Variants in POLN observed in about 807,000 individuals in gnomAD.
POLN encodes the protein DNA polymerase N.
POLN carries 108 observed loss-of-function variants against 113.5 expected under a neutral mutation model. The observed-to-expected ratio is 0.95, with a 90% confidence interval of 0.81 to 1.12. POLN has a LOEUF of 1.12. POLN is among the 50% of genes most tolerant of loss of function. The pLI, the probability that POLN is intolerant of heterozygous loss-of-function variation, is 0.00. For synonymous variants in POLN, 386 were observed against 391.5 expected (o/e 0.99, Z 0.17); for missense variants, 1,097 against 1,077.1 (o/e 1.02, Z -0.26).
chr4:2,234,136 G>A (rs539215587), intron 2 of POLN: 1 of 152,288 alleles, frequency 6.6e-6, no homozygotes, highest in East Asian at 1.9e-4. Context: ...AATCAAGACA[G>A]TATAGTTAAC....
At chr4:2,088,689 G>C in intron 20 of POLN, 1 of 876,814 alleles carries the variant, frequency 1.1e-6, no homozygotes, top group Non-Finnish European at 1.6e-6. Context: ...CTGTACAACA[G>C]CCATCAAGTT....
chr4:2,128,111 AC>A lies in POLN; in HGVS notation c.1982+1del. ...ATAATATTGTGAGTTCATATATCTT[AC>A]CACTGTGAAGTCAGAGTAGAAAATA... On this transcript the variant is annotated splice_donor_variant, in intron 19 of 25. Transcript: ENST00000511885. LOFTEE classifies it high-confidence loss of function. The A allele has an allele frequency of 6.4e-7, 1 of 1,556,138 alleles. No individual in the cohort carries two copies. The highest frequency in any genetic ancestry group is 8.9e-7 in the Non-Finnish European group (1 of 1,127,822).
At chr4:2,180,218 T>C (rs1733101110) in intron 7 of POLN, among the ~76,000 whole-genome samples, 1 of 152,172 alleles carries the variant, frequency 6.6e-6, no homozygotes, top group African/African-American at 2.4e-5. Flanking sequence ...AGAAAATGCT[T>C]TTTAAAAAGT....
Position 2,158,027 on chromosome 4 carries a change from C to A in POLN, c.1612-116G>T, listed in dbSNP as rs568405611. On this transcript the variant is annotated intron_variant, in intron 14 of 25. Transcript: ENST00000511885. ...AGTGCAGTGGCGTGATCTCGGCTTG[C>A]CGCAACTTCTGCCTCCTGGGGTCAA... The A allele has an allele frequency of 5.5e-5, 35 of 632,034 alleles. No homozygotes were observed. The East Asian group carries it at 8.6e-4, about 15-fold the overall frequency. The allele number at this position is 632,034 out of a possible 1,614,324, so 39.2% of individuals were successfully genotyped here.
chr4:2,072,048 G>T lies in POLN; in HGVS notation c.*66C>A. The T allele has an allele frequency of 1.3e-6, 2 of 1,559,444 alleles. No individual in the cohort carries two copies. The highest frequency in any genetic ancestry group is 1.1e-5 in the South Asian group (1 of 89,756). On this transcript the variant is annotated 3_prime_UTR_variant, in exon 26 of 26. Coordinates refer to ENST00000511885, the MANE Select transcript of POLN (RefSeq NM_181808.4). ...GCGTCCTGGGGCGTACAGAGCTGGTGACCTTGGGGAAGGCCACACAATGGA... is the reference window on the plus strand; with the variant it reads ...GCGTCCTGGGGCGTACAGAGCTGGTTACCTTGGGGAAGGCCACACAATGGA...
chr4:2,135,221 G>A (rs549794145), intron 16 of POLN, among the ~76,000 whole-genome samples: 88 of 152,320 alleles, frequency 5.8e-4, no homozygotes, highest in African/African-American at 1.8e-3. Flanking sequence ...CCTGAGGAGT[G>A]AGGCTGGGGA....
At chr4:2,233,058 T>C (rs917422352) in intron 2 of POLN, among the ~76,000 whole-genome samples, 2 of 152,190 alleles carry the variant, frequency 1.3e-5, no homozygotes, top group Non-Finnish European at 2.9e-5. Context: ...ATGATTCTAA[T>C]GTACAAGTTC....
Position 2,201,407 on chromosome 4 carries a change from A to G in POLN, c.715-2690T>C, listed in dbSNP as rs186508912. ...CACTTATAGAAATGCAAAATGCTCTAGAAAATCTCACCATTAGAATCAAAC... is the reference window on the plus strand; with the variant it reads ...CACTTATAGAAATGCAAAATGCTCTGGAAAATCTCACCATTAGAATCAAAC... On this transcript the variant is annotated intron_variant, in intron 5 of 25. Coordinates refer to ENST00000511885, the MANE Select transcript of POLN (RefSeq NM_181808.4). 2.4e-3 allele frequency among the ~76,000 whole-genome samples: 362 copies of G among 151,652 alleles called. 1 individual carries two copies. Among genetic ancestry groups the G allele is most frequent in the African/African-American group, 8.3e-3 (345 of 41,394 alleles).
At chr4:2,216,601 T>C (rs142406060) in intron 3 of POLN, among the ~76,000 whole-genome samples, 1 of 152,314 alleles carries the variant, frequency 6.6e-6, no homozygotes, top group East Asian at 1.9e-4. Flanking sequence ...ACTGCTGCAG[T>C]TCCTTGGCTG....
intron 16 of POLN, among the ~76,000 whole-genome samples, chr4:2,146,689 C>G (rs1044178740): frequency 1.3e-5 from 2 of 152,206 alleles, no homozygotes; most frequent in Non-Finnish European, 1.5e-5. Context: ...GAGGACATGT[C>G]CCCTGCACTG....
intron 16 of POLN, among the ~76,000 whole-genome samples, chr4:2,133,825 C>T (rs369317557): frequency 6.6e-5 from 10 of 152,168 alleles, no homozygotes; most frequent in East Asian, 3.8e-4. Context: ...TTCTGTCTCC[C>T]ATCCTGAGAT....
chr4:2,182,667 CA>C (rs1733172208), intron 7 of POLN, among the ~76,000 whole-genome samples: 2 of 151,594 alleles, frequency 1.3e-5, no homozygotes, highest in South Asian at 4.2e-4. Context: ...AAAAATTAAC[CA>C]AAAATGGATC....
At chr4:2,132,235 T>C (rs12646393) in intron 16 of POLN, among the ~76,000 whole-genome samples, 2,489 of 152,176 alleles carry the variant, frequency 0.016, 42 homozygotes, top group Middle Eastern at 0.027. Flanking sequence ...AGCTCAATAA[T>C]AGTGTAGAGA....
intron 11 of POLN, among the ~76,000 whole-genome samples, chr4:2,171,828 G>A (rs1732869337): frequency 6.6e-6 from 1 of 151,826 alleles, no homozygotes; most frequent in Non-Finnish European, 1.5e-5. Flanking sequence ...GAAATACCTA[G>A]GCTCATAGAA....
At chr4:2,087,740 T>C (rs1412130618) in intron 20 of POLN, among the ~76,000 whole-genome samples, 1 of 152,256 alleles carries the variant, frequency 6.6e-6, no homozygotes, top group African/African-American at 2.4e-5. Flanking sequence ...AGCTATTCTG[T>C]TTCTTCCTGT....
At chr4:2,081,270 A>G (rs1730410688) in intron 22 of POLN, 2 of 1,281,072 alleles carry the variant, frequency 1.6e-6, no homozygotes, top group Non-Finnish European at 2.2e-6. Context: ...TGGAGGCCTC[A>G]CCCCTGCCAG....
chr4:2,118,369 G>A (rs1399888637), intron 19 of POLN, among the ~76,000 whole-genome samples: 2 of 152,112 alleles, frequency 1.3e-5, no homozygotes, highest in African/African-American at 4.8e-5. Flanking sequence ...ATATTTAAAT[G>A]TGCAAGACTC....
chr4:2,232,061 A>C lies in POLN; in HGVS notation c.-12-2818T>G, dbSNP rs757557291. ...ATTTGATGTAATTTATTATTTGCCA[A>C]AGTTTTTCTTTTTGTCTTCACATCA... On this transcript the variant is annotated intron_variant, in intron 2 of 25. Transcript: ENST00000511885. The C allele has an allele frequency of 3.2e-5, 51 of 1,589,614 alleles. No homozygotes were observed. Among genetic ancestry groups the C allele is most frequent in the Non-Finnish European group, 4.0e-5 (46 of 1,161,828 alleles).
chr4:2,223,640 AT>A (rs1260192280), intron 3 of POLN, among the ~76,000 whole-genome samples: 1 of 152,192 alleles, frequency 6.6e-6, no homozygotes, highest in African/African-American at 2.4e-5. Context: ...AAGCTGTATG[AT>A]CTAGCCTGTA....
Sources: gnomAD v4.1 joint callset for allele counts (sites outside exome capture counted in the v4.1 genomes callset) on GRCh38, gnomAD v4.1.1 for gene constraint, MANE v1.5 for transcripts, NCBI Gene and HGNC (gene_info 2026-07-23, HGNC 2026-07-21) for gene names.